AGT: variants seen among roughly 807,000 people sequenced by gnomAD.
AGT encodes angiotensinogen, also known as alpha-1 antiproteinase, antitrypsin.
In AGT, 26 loss-of-function variants were observed where a neutral mutation model predicts 28.1. That is an observed-to-expected ratio of 0.92 (90% CI 0.68 to 1.28). The LOEUF is 1.28. Among genes scored for constraint, AGT ranks in the 50% most tolerant of loss-of-function variants. AGT has a pLI of 0.00. For synonymous variants in AGT, 259 were observed against 259.6 expected (o/e 1.00, Z 0.02); for missense variants, 596 against 592.3 (o/e 1.01, Z -0.06).
intron 1 of AGT, among the ~76,000 whole-genome samples, chr1:230,711,325 A>G (rs1663585521): frequency 6.6e-6 from 1 of 152,144 alleles, no homozygotes; most frequent in African/African-American, 2.4e-5. Context: ...ACGGCCATCT[A>G]CAAGCCAAGG....
chr1:230,707,802 C>G (rs1239499503), intron 2 of AGT, among the ~76,000 whole-genome samples: 1 of 152,214 alleles, frequency 6.6e-6, no homozygotes, highest in Non-Finnish European at 1.5e-5. Flanking sequence ...TCCCTCTGCT[C>G]GTCTGACATG....
chr1:230,712,039 G>A (rs1375005713), intron 1 of AGT, among the ~76,000 whole-genome samples: 2 of 152,088 alleles, frequency 1.3e-5, no homozygotes, highest in Non-Finnish European at 2.9e-5. Context: ...TTGATTGAAG[G>A]GATGAACGTT....
intron 1 of AGT, among the ~76,000 whole-genome samples, chr1:230,742,557 C>T (rs553051870): frequency 3.9e-5 from 6 of 152,180 alleles, no homozygotes; most frequent in Admixed American, 1.3e-4. Context: ...CCTCATGATC[C>T]GCCTGCCTTA....
chr1:230,710,676 C>T lies in AGT; in HGVS notation c.148G>A (p.Ala50Thr), dbSNP rs775276843. 6.2e-7 allele frequency: 1 copy of T among 1,614,262 alleles called. No homozygotes were observed. Among genetic ancestry groups the T allele is most frequent in the Non-Finnish European group, 8.5e-7 (1 of 1,180,046 alleles). Reference sequence around the variant, plus strand: ...AAGGTGGGGTCTTTGGGCTTCCCGGCATTGGCCTTTGCCAGCTGCTCACAG... The same window carrying T: ...AAGGTGGGGTCTTTGGGCTTCCCGGTATTGGCCTTTGCCAGCTGCTCACAG... Reference protein sequence around the residue: ...STCEQLAKANAGKPKDPTFIP... With the variant: ...STCEQLAKANTGKPKDPTFIP... Residue 50 changes from alanine to threonine, a missense_variant, in exon 2 of 5, where the codon GCC becomes ACC. Coordinates refer to ENST00000366667, the MANE Select transcript of AGT (RefSeq NM_001384479.1).
intron 1 of AGT, among the ~76,000 whole-genome samples, chr1:230,730,826 G>C (rs1426855145): frequency 1.3e-5 from 2 of 152,122 alleles, no homozygotes. Flanking sequence ...TTTTATCTGA[G>C]GGATGTGAGC....
chr1:230,735,442 A>G (rs764895228), intron 1 of AGT, among the ~76,000 whole-genome samples: 2 of 152,204 alleles, frequency 1.3e-5, no homozygotes, highest in African/African-American at 2.4e-5. Context: ...TTATTTTAAA[A>G]TTACAATGTA....
rs745486202 is a variant in AGT, at chr1:230,704,181, G to A, written c.1242+12C>T. 6.2e-7 allele frequency: 1 copy of A among 1,614,218 alleles called. No homozygotes were observed. The highest frequency in any genetic ancestry group is 8.5e-7 in the Non-Finnish European group (1 of 1,180,036). On this transcript the variant is annotated intron_variant, in intron 4 of 4. Transcript: ENST00000366667. Reference sequence around the variant, plus strand: ...GAACCCAGGTCAGGCACAGACACAGGCTCACACATACCTCCCCCACCCTGA... The same window carrying A: ...GAACCCAGGTCAGGCACAGACACAGACTCACACATACCTCCCCCACCCTGA...
chr1:230,723,437 G>T (rs1663883193), intron 1 of AGT, among the ~76,000 whole-genome samples: 1 of 152,210 alleles, frequency 6.6e-6, no homozygotes, highest in African/African-American at 2.4e-5. Flanking sequence ...ATTAAGCACA[G>T]TATATTTCAT....
upstream of AGT, among the ~76,000 whole-genome samples, chr1:230,719,117 C>T (rs945543527): frequency 6.6e-6 from 1 of 152,116 alleles, no homozygotes; most frequent in Non-Finnish European, 1.5e-5. Context: ...AGACAGAAGT[C>T]GTTTCCATAT....
intron 1 of AGT, among the ~76,000 whole-genome samples, chr1:230,736,165 T>TTG (rs375559522): frequency 0.13 from 19,659 of 149,426 alleles, 1,618 homozygotes; most frequent in African/African-American, 0.22. Context: ...AAGGCAAAGT[T>TTG]TGTGTGTGTG....
Position 230,710,114 on chromosome 1 carries a change from A to C in AGT, c.710T>G (p.Val237Gly), listed in dbSNP as rs372240722. ...PRSLDFTELD[V>G]AAEKIDRFMQ... ...GAACCTGTCAATCTTCTCAGCAGCA[A>C]CATCCAGTTCTGTGAAGTCCAGAGA... is the stretch of plus-strand genomic sequence containing the variant. The change falls in exon 2 of 5, where the codon GTT becomes GGT. Residue 237 changes from valine (V) to glycine (G), a missense_variant. Coordinates refer to ENST00000366667, the MANE Select transcript of AGT (RefSeq NM_001384479.1). 1.5e-5 allele frequency: 24 copies of C among 1,614,098 alleles called. No homozygotes were observed.
intron 1 of AGT, among the ~76,000 whole-genome samples, chr1:230,739,793 A>C (rs1015551143): frequency 1.2e-4 from 19 of 152,102 alleles, no homozygotes; most frequent in African/African-American, 4.6e-4. Context: ...TGCCACTATC[A>C]GAAGGAGGAA....
upstream of AGT, among the ~76,000 whole-genome samples, chr1:230,715,505 T>C (rs1468828241): frequency 6.6e-6 from 1 of 152,214 alleles, no homozygotes. Flanking sequence ...AGAGTAAGAC[T>C]CTGTCTCTAA....
upstream of AGT, among the ~76,000 whole-genome samples, chr1:230,718,434 T>G (rs1401041424): frequency 3.3e-5 from 5 of 152,176 alleles, no homozygotes; most frequent in African/African-American, 1.2e-4. Flanking sequence ...AAGTGCAATG[T>G]GACATTTTTA....
At chr1:230,735,597 C>T (rs1178266290) in intron 1 of AGT, among the ~76,000 whole-genome samples, 2 of 152,048 alleles carry the variant, frequency 1.3e-5, no homozygotes, top group African/African-American at 4.8e-5. Flanking sequence ...CACCTGGTGG[C>T]CCCTCCCTCG....
In AGT at chr1:230,710,780, AG is replaced by A; in HGVS notation, c.43del (p.Leu15SerfsTer67). 6.2e-7 allele frequency: 1 copy of A among 1,614,184 alleles called. No individual in the cohort carries two copies. Among genetic ancestry groups the A allele is most frequent in the Non-Finnish European group, 8.5e-7 (1 of 1,180,024 alleles). ...GVSLRATILC[L>X]LAWAGLAAGD... Reference sequence around the variant, plus strand: ...TGCAGCCAGGCCAGCCCAGGCCAGGAGGCAGAGGATGGTGGCCCTCAGGCTC... The same window carrying A: ...TGCAGCCAGGCCAGCCCAGGCCAGGAGCAGAGGATGGTGGCCCTCAGGCTC... On this transcript the variant is annotated frameshift_variant, in exon 2 of 5. Transcript: ENST00000366667. LOFTEE classifies it high-confidence loss of function.
Position 230,706,133 on chromosome 1 carries a change from C to T in AGT, c.897G>A (p.Val299=). The change falls in exon 3 of 5, where the codon GTG becomes GTA. Residue 299 remains valine, a synonymous_variant. Coordinates refer to ENST00000366667, the MANE Select transcript of AGT (RefSeq NM_001384479.1). ...CCATGCCAGAGAGCATGGGAACAGACACTGAGGTGCTGTTGTCCACCCAGA... is the reference window on the plus strand; with the variant it reads ...CCATGCCAGAGAGCATGGGAACAGATACTGAGGTGCTGTTGTCCACCCAGA... ...QEFWVDNSTS[V]SVPMLSGMGT... 1.2e-6 allele frequency: 2 copies of T among 1,614,044 alleles called. No individual in the cohort carries two copies. The highest frequency in any genetic ancestry group is 1.7e-6 in the Non-Finnish European group (2 of 1,179,976).
At chr1:230,717,924 A>G (rs1027264392), upstream of AGT, among the ~76,000 whole-genome samples, 6 of 152,170 alleles carry the variant, frequency 3.9e-5, no homozygotes, top group Admixed American at 2.0e-4. Context: ...AAAACAAAAT[A>G]GTCTGAGCTC....
intron 1 of AGT, among the ~76,000 whole-genome samples, chr1:230,713,073 C>A (rs1363942041): frequency 2.0e-5 from 3 of 152,192 alleles, no homozygotes; most frequent in East Asian, 3.9e-4. Context: ...TTTCACCCTG[C>A]AGCTTTCCCC....
Sources: gnomAD v4.1 joint callset for allele counts (sites outside exome capture counted in the v4.1 genomes callset) on GRCh38, gnomAD v4.1.1 for gene constraint, MANE v1.5 for transcripts, NCBI Gene and HGNC (gene_info 2026-07-23, HGNC 2026-07-21) for gene names.